Variants in ARMC7 observed in about 807,000 individuals in gnomAD.
ARMC7 encodes armadillo repeat containing 7.
ARMC7 carries 9 observed loss-of-function variants against 14.8 expected under a neutral mutation model. That is an observed-to-expected ratio of 0.61 (90% CI 0.37 to 1.06). The LOEUF is 1.06. Ranked by LOEUF, ARMC7 falls within the 50% of genes least tolerant of loss-of-function variation. ARMC7 has a pLI of 0.01. For synonymous variants in ARMC7, 125 were observed against 123.4 expected, an observed-to-expected ratio of 1.01 and a Z score of -0.09; for missense variants, 262 against 267.1, an observed-to-expected ratio of 0.98 and a Z score of 0.13.
At chr17:75,127,114 A>G (rs1327225057) in intron 2 of ARMC7, among the ~76,000 whole-genome samples, 6 of 150,246 alleles carry the variant, frequency 4.0e-5, no homozygotes, top group Non-Finnish European at 8.9e-5. Flanking sequence ...GCATGCCTGG[A>G]GTCAGTCTTA....
In ARMC7 at chr17:75,110,590, G is replaced by C. The variant is rs1417447362; in HGVS notation, c.219G>C (p.Leu73=). The C allele has an allele frequency of 6.2e-7, 1 of 1,614,242 alleles. No homozygotes were observed. Among genetic ancestry groups the C allele is most frequent in the Admixed American group, 1.7e-5 (1 of 60,018 alleles). ...LDSLSEENET[L]VEFAIGGLCN... ...CGCTGTCGGAGGAGAATGAGACCCT[G>C]GTGGAGTTTGCTATTGGTAAGGGCG... The change falls in exon 2 of 3, where the codon CTG becomes CTC. Residue 73 remains leucine, a synonymous_variant. Coordinates refer to ENST00000245543, the MANE Select transcript of ARMC7 (RefSeq NM_024585.4).
At chr17:75,118,637 T>A (rs1216825240) in intron 2 of ARMC7, among the ~76,000 whole-genome samples, 1 of 152,172 alleles carries the variant, frequency 6.6e-6, no homozygotes, top group Non-Finnish European at 1.5e-5. Context: ...TTTAGAGCAA[T>A]TGTAGAACTA....
intron 2 of ARMC7, among the ~76,000 whole-genome samples, chr17:75,127,808 T>G (rs1283509545): frequency 6.6e-6 from 1 of 152,218 alleles, no homozygotes; most frequent in East Asian, 1.9e-4. Context: ...TCGCCAAGGC[T>G]GGTCTCGAAT....
At chr17:75,112,929 TTTGTGG>T (rs1747745405) in intron 2 of ARMC7, among the ~76,000 whole-genome samples, 1 of 152,130 alleles carries the variant, frequency 6.6e-6, no homozygotes, top group East Asian at 1.9e-4. Context: ...TCATTGCCTC[TTTGTGG>T]TTTCTTTATC....
chr17:75,114,114 G>A (rs1410400462), intron 2 of ARMC7: 1 of 401,112 alleles, frequency 2.5e-6, no homozygotes, highest in African/African-American at 2.1e-5. Flanking sequence ...ATTCTAAAAA[G>A]TTGGTCTCTA....
At chr17:75,116,857 C>A (rs1209768174) in intron 2 of ARMC7, among the ~76,000 whole-genome samples, 2 of 152,200 alleles carry the variant, frequency 1.3e-5, no homozygotes, top group Non-Finnish European at 2.9e-5. Flanking sequence ...TGCAGGCTTC[C>A]TTCCGTCTGT....
Position 75,129,288 on chromosome 17 carries a change from G to A in ARMC7, c.*250G>A. ...GCTGGCACTCTCAATCCTACATCAG[G>A]TGCCACCACCACCAGACTCAGGCCC... On this transcript the variant is annotated 3_prime_UTR_variant, in exon 3 of 3. Transcript: ENST00000245543. 1.8e-6 allele frequency: 1 copy of A among 562,490 alleles called. No individual in the cohort carries two copies. The highest frequency in any genetic ancestry group is 3.1e-6 in the Non-Finnish European group (1 of 325,998). 34.8% of individuals were successfully genotyped at this position (562,490 alleles called of 1,614,324 possible).
At chr17:75,119,610 A>G (rs915351312) in intron 2 of ARMC7, among the ~76,000 whole-genome samples, 26 of 127,082 alleles carry the variant, frequency 2.0e-4, no homozygotes, top group African/African-American at 7.1e-4. Context: ...TACCACGCCC[A>G]GCTAATTTTT....
At chr17:75,115,338 G>A (rs1196382510) in intron 2 of ARMC7, among the ~76,000 whole-genome samples, 6 of 152,056 alleles carry the variant, frequency 3.9e-5, no homozygotes, top group Admixed American at 3.3e-4. Flanking sequence ...TCAGGAGTTC[G>A]AGACCAGCCT....
intron 2 of ARMC7, among the ~76,000 whole-genome samples, chr17:75,119,271 T>TAG (rs2073994826): frequency 6.6e-6 from 1 of 152,014 alleles, no homozygotes; most frequent in Non-Finnish European, 1.5e-5. Flanking sequence ...AGACAGTACA[T>TAG]AGAGTAAGCT....
chr17:75,119,413 G>T (rs4788865), intron 2 of ARMC7, among the ~76,000 whole-genome samples: 36,921 of 151,180 alleles, frequency 0.24, 5,976 homozygotes, highest in East Asian at 0.66. Context: ...GACCAGAATG[G>T]TGGTGAGACT....
intron 2 of ARMC7, among the ~76,000 whole-genome samples, chr17:75,116,663 C>G (rs1175751406): frequency 2.0e-5 from 3 of 152,198 alleles, no homozygotes; most frequent in Admixed American, 6.6e-5. Flanking sequence ...GACTTAAACC[C>G]AGAGCAGTCA....
intron 2 of ARMC7, among the ~76,000 whole-genome samples, chr17:75,122,930 C>T (rs751678324): frequency 2.0e-5 from 3 of 151,890 alleles, no homozygotes; most frequent in Non-Finnish European, 4.4e-5. Context: ...GAGGAGGTGG[C>T]GTCTTAGCGG....
intron 2 of ARMC7, among the ~76,000 whole-genome samples, chr17:75,113,507 C>G (rs569084276): frequency 1.3e-4 from 19 of 151,642 alleles, no homozygotes; most frequent in South Asian, 2.1e-4. Flanking sequence ...GGCGCCCCCC[C>G]ACCAGGCCCG....
Position 75,129,377 on chromosome 17 carries a change from G to T in ARMC7, c.*339G>T, listed in dbSNP as rs2074083143. 2.8e-6 allele frequency: 1 copy of T among 362,882 alleles called. No individual in the cohort carries two copies. The highest frequency in any genetic ancestry group is 2.1e-5 in the African/African-American group (1 of 48,350). The allele number at this position is 362,882 out of a possible 1,614,324, so 22.5% of individuals were successfully genotyped here. On this transcript the variant is annotated 3_prime_UTR_variant, in exon 3 of 3. Coordinates refer to ENST00000245543, the MANE Select transcript of ARMC7 (RefSeq NM_024585.4). ...TTGCAGGACAGTGTTCTCAGGAGCT[G>T]GGCCTGAGGCTTAGGAGAGCTGCCT...
chr17:75,128,559 T>G (rs1223136448), intron 2 of ARMC7, 118 bp from the exon 3 acceptor site: 2 of 1,394,800 alleles, frequency 1.4e-6, no homozygotes, highest in Non-Finnish European at 9.6e-7. Context: ...GGGCTTTGGA[T>G]GCCTTGTGCT....
chr17:75,118,175 T>A (rs890330411), intron 2 of ARMC7, among the ~76,000 whole-genome samples: 1 of 151,538 alleles, frequency 6.6e-6, no homozygotes, highest in Non-Finnish European at 1.5e-5. Context: ...AAACCAGACA[T>A]CCCCTGATTC....
At chr17:75,114,078 C>A in intron 2 of ARMC7, 1 of 400,920 alleles carries the variant, frequency 2.5e-6, no homozygotes, top group South Asian at 1.3e-4. Flanking sequence ...GCCAGCTCCT[C>A]TAGAAGATTA....
In ARMC7 at chr17:75,128,825, G is replaced by A. The variant is rs200997688; in HGVS notation, c.384G>A (p.Pro128=). Residue 128 remains proline, a synonymous_variant, in exon 3 of 3, where the codon CCG becomes CCA. Coordinates refer to ENST00000245543, the MANE Select transcript of ARMC7 (RefSeq NM_024585.4). ...AITTLMHLSP[P]GRSFLPELTA... ...CCACGCTCATGCACCTGAGCCCGCC[G>A]GGCCGCAGCTTTCTCCCAGAGCTGA... 48 of 1,613,190 alleles carry A rather than the reference G, an allele frequency of 3.0e-5. No individual in the cohort carries two copies. Among genetic ancestry groups the A allele is most frequent in the African/African-American group, 2.4e-4 (18 of 75,040 alleles).
Sources: allele counts gnomAD v4.1 joint callset (sites outside exome capture counted in the v4.1 genomes callset), GRCh38; gene constraint gnomAD v4.1.1; transcripts MANE v1.5; gene names NCBI Gene and HGNC (gene_info 2026-07-23, HGNC 2026-07-21).